ASAP2: variants seen among roughly 807,000 people sequenced by gnomAD.
ASAP2 encodes the protein ArfGAP with SH3 domain, ankyrin repeat and PH domain 2.
Under a neutral mutation model 131.4 loss-of-function variants are expected in ASAP2, and 45 were observed. The observed-to-expected ratio is 0.34, with a 90% CI of 0.27 to 0.44. The LOEUF (loss-of-function observed/expected upper bound fraction) is 0.44, where lower values mean the gene tolerates loss of function less well. Among genes scored for constraint, ASAP2 ranks in the 20% least tolerant of loss-of-function variants. ASAP2 has a pLI of 1.00. For missense variants in ASAP2, 1,011 were observed against 1,297.0 expected, an observed-to-expected ratio of 0.78 and a Z score of 3.39; for synonymous variants, 510 against 503.0, an observed-to-expected ratio of 1.01 and a Z score of -0.19.
At chr2:9,229,536 G>T (rs534637067) in intron 1 of ASAP2, among the ~76,000 whole-genome samples, 2 of 152,222 alleles carry the variant, frequency 1.3e-5, no homozygotes, top group African/African-American at 4.8e-5. Flanking sequence ...GGCCCAGCAT[G>T]TGTCTAGGGA....
Position 9,207,173 on chromosome 2 carries a change from C to T in ASAP2, c.69C>T (p.Ala23=), listed in dbSNP as rs1420858330. The T allele has an allele frequency of 1.2e-6, 2 of 1,605,780 alleles. No homozygotes were observed. Among genetic ancestry groups the T allele is most frequent in the African/African-American group, 2.7e-5 (2 of 74,234 alleles). ...ATGAGGACTACAAGGCGCCCACGGCCTCCAGCTTCACCACCCGCACGGCGC... is the reference window on the plus strand; with the variant it reads ...ATGAGGACTACAAGGCGCCCACGGCTTCCAGCTTCACCACCCGCACGGCGC... ...ETHEDYKAPT[A]SSFTTRTAQC... Residue 23 remains alanine, a synonymous_variant, in exon 1 of 28, where the codon GCC becomes GCT. Transcript: ENST00000281419. This position sits in a 1 kb window ranked among gnomAD's most constrained non-coding sequence, Gnocchi z 4.1.
chr2:9,323,731 G>T (rs573521554), intron 6 of ASAP2, among the ~76,000 whole-genome samples: 1 of 152,074 alleles, frequency 6.6e-6, no homozygotes, highest in Admixed American at 6.5e-5. Flanking sequence ...CTGCTCAGGC[G>T]GGGGCACTCA....
chr2:9,221,960 A>G (rs1662451636), intron 1 of ASAP2, among the ~76,000 whole-genome samples: 1 of 144,810 alleles, frequency 6.9e-6, no homozygotes, highest in African/African-American at 2.5e-5. Context: ...CGCCTGGCTA[A>G]TTTTTTTTTT....
intron 1 of ASAP2, among the ~76,000 whole-genome samples, chr2:9,249,337 C>A (rs2709570): frequency 6.6e-6 from 1 of 152,022 alleles, no homozygotes; most frequent in Non-Finnish European, 1.5e-5. Flanking sequence ...TCTGCCCTCA[C>A]GTCTCTAGAG....
chr2:9,345,510 A>G (rs1042269933), intron 11 of ASAP2, among the ~76,000 whole-genome samples: 18 of 152,136 alleles, frequency 1.2e-4, no homozygotes, highest in African/African-American at 3.4e-4. Context: ...TATACATACT[A>G]TTGCCTCACC....
At chr2:9,359,170 G>T (rs1672920249) in intron 15 of ASAP2, among the ~76,000 whole-genome samples, 1 of 152,194 alleles carries the variant, frequency 6.6e-6, no homozygotes, top group Non-Finnish European at 1.5e-5. Flanking sequence ...GTAAGATGGT[G>T]ACATAGACCA....
At chr2:9,221,814 A>G (rs1249232350) in intron 1 of ASAP2, among the ~76,000 whole-genome samples, 1 of 151,908 alleles carries the variant, frequency 6.6e-6, no homozygotes, top group Non-Finnish European at 1.5e-5. Context: ...TGTTTTTTTG[A>G]GACGGAGTCT....
intron 2 of ASAP2, among the ~76,000 whole-genome samples, chr2:9,284,270 C>T (rs1667324274): frequency 6.6e-6 from 1 of 152,182 alleles, no homozygotes; most frequent in African/African-American, 2.4e-5. Flanking sequence ...GAATCAGTTT[C>T]CACTGTTTTG....
chr2:9,380,857 G>A (rs1369405203), intron 20 of ASAP2, 49 bp downstream of exon 20: 1 of 1,587,092 alleles, frequency 6.3e-7, no homozygotes, highest in African/African-American at 1.3e-5. Context: ...CACGGGACAG[G>A]GAGCCAAGCC....
intron 12 of ASAP2, among the ~76,000 whole-genome samples, chr2:9,351,240 A>G (rs1223926698): frequency 6.6e-6 from 1 of 152,242 alleles, no homozygotes; most frequent in Non-Finnish European, 1.5e-5. Context: ...GAGAAGGAGG[A>G]CAATTCTGTT....
chr2:9,230,282 C>T (rs904133330), intron 1 of ASAP2, among the ~76,000 whole-genome samples: 2 of 152,184 alleles, frequency 1.3e-5, no homozygotes, highest in Non-Finnish European at 2.9e-5. Flanking sequence ...GGCTTGTTTG[C>T]TCAGGGTCTG....
chr2:9,334,701 G>T, intron 7 of ASAP2, 37 bp from the exon 8 acceptor site: 2 of 1,578,528 alleles, frequency 1.3e-6, no homozygotes, highest in South Asian at 1.1e-5. Context: ...TTTTTCCTTT[G>T]TGAAATGTCA....
chr2:9,228,592 C>G (rs1047988755), intron 1 of ASAP2, among the ~76,000 whole-genome samples: 1 of 152,180 alleles, frequency 6.6e-6, no homozygotes, highest in African/African-American at 2.4e-5. Context: ...CGGCCCCCAT[C>G]TTCCTGAGCA....
intron 15 of ASAP2, among the ~76,000 whole-genome samples, chr2:9,364,344 C>T (rs1014139345): frequency 7.1e-6 from 1 of 141,226 alleles, no homozygotes; most frequent in African/African-American, 2.6e-5. Context: ...CCCATCTCTA[C>T]AAAAAAAAAA....
At chr2:9,261,694 C>T (rs192715641) in intron 1 of ASAP2, among the ~76,000 whole-genome samples, 1 of 152,168 alleles carries the variant, frequency 6.6e-6, no homozygotes, top group Non-Finnish European at 1.5e-5. Context: ...ACAGTGTGGC[C>T]GAGTGTAGGA....
In ASAP2 at chr2:9,266,147, C is replaced by CTTTTT. The variant is rs3053782; in HGVS notation, c.127-13158_127-13154dup. Among the ~76,000 whole-genome samples the CTTTTT allele has an allele frequency of 5.5e-4, 73 of 133,884 alleles. 2 individuals are homozygous for CTTTTT. The highest frequency in any genetic ancestry group is 3.8e-3 in the East Asian group (18 of 4,750). The allele number at this position is 133,884 out of a possible 152,430, so 87.8% of individuals were successfully genotyped here. On this transcript the variant is annotated intron_variant, in intron 1 of 27. Transcript: ENST00000281419. ...TTTATAAAAACGATTGCCTTTTTAT[C>CTTTTT]TTTTTTTTTTTTTTTTGGACACAGG...
rs559852560 is a variant in ASAP2, at chr2:9,323,253, A to G, written c.600+3A>G. 2.5e-6 allele frequency: 4 copies of G among 1,614,128 alleles called. No homozygotes were observed. The African/African-American group carries it at 5.3e-5, about 22-fold the overall frequency. On this transcript the variant is annotated splice_donor_region_variant and intron_variant, in intron 6 of 27. Coordinates refer to ENST00000281419, the MANE Select transcript of ASAP2 (RefSeq NM_003887.3). Reference sequence around the variant, plus strand: ...TCTTCCAGCTACAGATGTGCGAGGTAAGGCGGTGGTGAAGGCAGGTCCTAC... The same window carrying G: ...TCTTCCAGCTACAGATGTGCGAGGTGAGGCGGTGGTGAAGGCAGGTCCTAC...
At chr2:9,257,687 T>C (rs567718564) in intron 1 of ASAP2, among the ~76,000 whole-genome samples, 4 of 152,168 alleles carry the variant, frequency 2.6e-5, no homozygotes, top group Non-Finnish European at 5.9e-5. Flanking sequence ...CCCGGCTAAT[T>C]TTTTTGTATT....
chr2:9,302,760 C>T (rs1286031390), intron 3 of ASAP2, among the ~76,000 whole-genome samples: 2 of 152,058 alleles, frequency 1.3e-5, no homozygotes, highest in South Asian at 2.1e-4. Context: ...CAGGTGTGAG[C>T]CACCACCTGT....
Sources: allele counts gnomAD v4.1 joint callset (sites outside exome capture counted in the v4.1 genomes callset), GRCh38; gene constraint gnomAD v4.1.1; non-coding constraint Gnocchi (gnomAD v3.1); transcripts MANE v1.5; gene names NCBI Gene and HGNC (gene_info 2026-07-23, HGNC 2026-07-21).